The following DLGAP1 variants were observed in gnomAD, a reference collection of about 807,000 sequenced individuals.
The protein encoded by DLGAP1 is disks large-associated protein 1.
In DLGAP1, 11 loss-of-function variants were observed where a neutral mutation model predicts 90.8. The observed-to-expected ratio is 0.12, with a 90% CI of 0.08 to 0.20. The LOEUF is 0.20. Among genes scored for constraint, DLGAP1 ranks in the 10% least tolerant of loss-of-function variants. DLGAP1 has a pLI of 1.00. For missense variants in DLGAP1, 1,050 were observed against 1,333.8 expected, an observed-to-expected ratio of 0.79 and a Z score of 3.31; for synonymous variants, 558 against 540.7, an observed-to-expected ratio of 1.03 and a Z score of -0.44.
intron 5 of DLGAP1, among the ~76,000 whole-genome samples, chr18:3,803,762 G>A (rs891124647): frequency 5.3e-5 from 8 of 151,834 alleles, no homozygotes; most frequent in Admixed American, 4.6e-4. Flanking sequence ...AGAAAGCCTT[G>A]GTGTATCAGT....
At chr18:3,782,799 A>G (rs1270370147) in intron 5 of DLGAP1, among the ~76,000 whole-genome samples, 2 of 152,190 alleles carry the variant, frequency 1.3e-5, no homozygotes, top group Non-Finnish European at 2.9e-5. Context: ...TTGTTTTTTA[A>G]ATGTTGGACT....
At chr18:3,616,104 C>G (rs767594288) in intron 7 of DLGAP1, among the ~76,000 whole-genome samples, 2 of 152,130 alleles carry the variant, frequency 1.3e-5, no homozygotes, top group East Asian at 1.9e-4. Flanking sequence ...GTAATTTGTA[C>G]GTGGGATTAT....
chr18:3,803,777 T>G (rs1272176491), intron 5 of DLGAP1, among the ~76,000 whole-genome samples: 2 of 152,056 alleles, frequency 1.3e-5, no homozygotes, highest in South Asian at 2.1e-4. Context: ...ATCAGTAAAG[T>G]GTTGGTTAAA....
intron 1 of DLGAP1, among the ~76,000 whole-genome samples, chr18:4,314,726 A>T (rs2080483709): frequency 6.6e-6 from 1 of 152,210 alleles, no homozygotes; most frequent in Non-Finnish European, 1.5e-5. Context: ...TCCAGAAAAC[A>T]AGACCTTCAG....
chr18:3,883,527 A>AG (rs1282904547), intron 3 of DLGAP1, among the ~76,000 whole-genome samples: 1 of 152,248 alleles, frequency 6.6e-6, no homozygotes, highest in East Asian at 1.9e-4. Context: ...GACGTCCTTA[A>AG]GGGTAGGGAC....
chr18:4,002,459 G>C (rs1318340310), intron 3 of DLGAP1, among the ~76,000 whole-genome samples: 1 of 46,314 alleles, frequency 2.2e-5, no homozygotes, highest in African/African-American at 6.3e-5. Context: ...CCTACTCAAC[G>C]TGAGGATATG....
In DLGAP1 at chr18:3,988,137, T is replaced by C. The variant is rs372704790; in HGVS notation, c.-73+16979A>G. Among the ~76,000 whole-genome samples the C allele has an allele frequency of 4.6e-5, 7 of 152,220 alleles. 1 individual carries two copies. The highest frequency in any genetic ancestry group is 2.0e-4 in the Admixed American group (3 of 15,276). On this transcript the variant is annotated intron_variant, in intron 3 of 12. Transcript: ENST00000315677. ...CTGGGGGTGATGGGAGACAGTGATA[T>C]AAGTGTTGCTTATGTCCACTTCACT...
chr18:4,382,770 T>C (rs764446708), intron 1 of DLGAP1, among the ~76,000 whole-genome samples: 2 of 152,176 alleles, frequency 1.3e-5, no homozygotes, highest in Non-Finnish European at 2.9e-5. Flanking sequence ...TCATGCTATC[T>C]CACATGTATA....
chr18:4,207,284 C>T (rs1259927641), intron 1 of DLGAP1, among the ~76,000 whole-genome samples: 11 of 152,070 alleles, frequency 7.2e-5, no homozygotes. Flanking sequence ...AGAAGAATGA[C>T]AGCCAAGCAG....
intron 3 of DLGAP1, chr18:3,984,141 A>G (rs1182726836): frequency 6.6e-6 from 1 of 152,200 alleles, no homozygotes; most frequent in Admixed American, 6.5e-5. Flanking sequence ...AGCACACAGG[A>G]TCTTAATCAT....
At chr18:3,673,121 C>T (rs940723793) in intron 7 of DLGAP1, among the ~76,000 whole-genome samples, 1 of 152,158 alleles carries the variant, frequency 6.6e-6, no homozygotes, top group African/African-American at 2.4e-5. Flanking sequence ...TATTCTTTGG[C>T]TTCGCTCTTT....
At chr18:4,309,887 T>C (rs1198974075) in intron 1 of DLGAP1, among the ~76,000 whole-genome samples, 1 of 152,220 alleles carries the variant, frequency 6.6e-6, no homozygotes, top group Non-Finnish European at 1.5e-5. Context: ...GTTTAGCTTC[T>C]TTCTCTTACA....
chr18:3,722,977 T>G (rs1267298256), intron 7 of DLGAP1, among the ~76,000 whole-genome samples: 1 of 152,184 alleles, frequency 6.6e-6, no homozygotes, highest in Non-Finnish European at 1.5e-5. Flanking sequence ...GACCTGAGCT[T>G]CTTATTCTGA....
intron 2 of DLGAP1, among the ~76,000 whole-genome samples, chr18:4,081,609 C>A (rs1267553127): frequency 6.6e-6 from 1 of 152,188 alleles, no homozygotes; most frequent in Non-Finnish European, 1.5e-5. Context: ...TCCAGACCTG[C>A]CAAAGAAGCC....
intron 1 of DLGAP1, among the ~76,000 whole-genome samples, chr18:4,210,084 C>T (rs920365940): frequency 6.6e-6 from 1 of 152,182 alleles, no homozygotes; most frequent in Non-Finnish European, 1.5e-5. Context: ...CCTAACCACA[C>T]AGAATGGGTG....
chr18:3,942,992 AT>A lies in DLGAP1; in HGVS notation c.-73+62123del. Among the ~76,000 whole-genome samples the A allele has an allele frequency of 1.3e-5, 2 of 152,052 alleles. 1 individual carries two copies. The highest frequency in any genetic ancestry group is 3.9e-4 in the East Asian group (2 of 5,182). On this transcript the variant is annotated intron_variant, in intron 3 of 12. Coordinates refer to ENST00000315677, the MANE Select transcript of DLGAP1 (RefSeq NM_004746.4). Reference sequence around the variant, plus strand: ...TTGTTTTTTTTTTTCCACCTAAGCAATCTCTTGATGCAGCTATTAAAAATAA... The same window carrying A: ...TTGTTTTTTTTTTTCCACCTAAGCAACTCTTGATGCAGCTATTAAAAATAA...
intron 1 of DLGAP1, among the ~76,000 whole-genome samples, chr18:4,167,083 T>C (rs560492677): frequency 6.6e-6 from 1 of 151,546 alleles, no homozygotes; most frequent in South Asian, 2.1e-4. Context: ...CAAGACAGAC[T>C]CCAAAAAATG....
intron 1 of DLGAP1, among the ~76,000 whole-genome samples, chr18:4,192,303 G>A (rs1718622158): frequency 6.6e-6 from 1 of 152,094 alleles, no homozygotes; most frequent in South Asian, 2.1e-4. Context: ...AAAGTAGAAT[G>A]GCTTATGATA....
chr18:3,856,052 G>C (rs1296829926), intron 4 of DLGAP1, among the ~76,000 whole-genome samples: 1 of 152,186 alleles, frequency 6.6e-6, no homozygotes, highest in African/African-American at 2.4e-5. Context: ...CTTTTCTAGA[G>C]ATCACTGGTA....
Sources: gnomAD v4.1 joint callset for allele counts (sites outside exome capture counted in the v4.1 genomes callset) on GRCh38, gnomAD v4.1.1 for gene constraint, MANE v1.5 for transcripts, NCBI Gene and HGNC (gene_info 2026-07-23, HGNC 2026-07-21) for gene names.